The following MGAT4C variants were observed in gnomAD, a reference collection of about 807,000 sequenced individuals.
MGAT4C encodes alpha-1,3-mannosyl-glycoprotein 4-beta-N-acetylglucosaminyltransferase C.
Under a neutral mutation model 40.1 loss-of-function variants are expected in MGAT4C, and 19 were observed. The ratio of observed to expected loss-of-function variants is 0.47; its 90% CI spans 0.33 to 0.70. The LOEUF (loss-of-function observed/expected upper bound fraction) is 0.70, where lower values mean the gene tolerates loss of function less well. MGAT4C is among the 30% of genes least tolerant of loss of function. The pLI, the probability that MGAT4C is intolerant of heterozygous loss-of-function variation, is 0.02. For missense variants in MGAT4C, 491 were observed against 563.2 expected (o/e 0.87, Z 1.30); for synonymous variants, 181 against 187.1 (o/e 0.97, Z 0.27).
chr12:86,410,309 G>A (rs935817379), intron 3 of MGAT4C, among the ~76,000 whole-genome samples: 14 of 152,162 alleles, frequency 9.2e-5, no homozygotes, highest in Middle Eastern at 3.4e-3. Context: ...TATCTCAACC[G>A]CATAAGACAG....
At chr12:86,348,063 ACTT>A (rs879792628) in intron 3 of MGAT4C, among the ~76,000 whole-genome samples, 2 of 152,172 alleles carry the variant, frequency 1.3e-5, no homozygotes, top group African/African-American at 2.4e-5. Context: ...TGTAAATTAT[ACTT>A]CTTCAAATTT....
chr12:86,493,001 C>T (rs1958168523), intron 2 of MGAT4C, among the ~76,000 whole-genome samples: 3 of 151,606 alleles, frequency 2.0e-5, no homozygotes, highest in South Asian at 2.1e-4. Flanking sequence ...TGAACAGACA[C>T]TTCTCAAAAG....
At chr12:86,192,013 A>C (rs1221649787) in intron 1 of MGAT4C, among the ~76,000 whole-genome samples, 1 of 144,876 alleles carries the variant, frequency 6.9e-6, no homozygotes, top group Non-Finnish European at 1.5e-5. Flanking sequence ...CAAACACCGC[A>C]TGTTCTCACT....
chr12:86,612,355 C>T (rs1161938035), intron 2 of MGAT4C, among the ~76,000 whole-genome samples: 1 of 152,146 alleles, frequency 6.6e-6, no homozygotes, highest in Non-Finnish European at 1.5e-5. Flanking sequence ...CTCTGTTCTT[C>T]ATCTTCCATA....
chr12:86,777,866 A>G (rs971205392), intron 1 of MGAT4C, among the ~76,000 whole-genome samples: 2 of 152,192 alleles, frequency 1.3e-5, no homozygotes, highest in African/African-American at 4.8e-5. Flanking sequence ...AGGGATGTCC[A>G]TCTCCTATAT....
chr12:86,105,094 T>G (rs1291266734), intron 1 of MGAT4C, among the ~76,000 whole-genome samples: 7 of 152,182 alleles, frequency 4.6e-5, no homozygotes, highest in Non-Finnish European at 1.0e-4. Flanking sequence ...TAAAATGTGA[T>G]ATTCTAAATC....
At chr12:86,794,437 ATTTC>A (rs1473906379) in intron 1 of MGAT4C, among the ~76,000 whole-genome samples, 10 of 151,790 alleles carry the variant, frequency 6.6e-5, no homozygotes, top group Non-Finnish European at 1.3e-4. Context: ...TCCACAACAG[ATTTC>A]ATGCTTCAGT....
rs1434796211 is a variant in MGAT4C at position 85,969,652 on chromosome 12, TATC to T, written c.*9634_*9636del. 6.6e-6 allele frequency: 1 copy of T among 151,620 alleles called. No individual in the cohort carries two copies. Among genetic ancestry groups the T allele is most frequent in the Non-Finnish European group, 1.5e-5 (1 of 67,614 alleles). 9.4% of individuals were successfully genotyped at this position (151,620 alleles called of 1,614,324 possible). A position where few individuals can be genotyped will look rare whatever the true frequency, so the allele number is the denominator to read the frequency against. On this transcript the variant is annotated 3_prime_UTR_variant, in exon 5 of 5. Transcript: ENST00000611864. ...ATTTAATGTTATTTTAATATAGTCA[TATC>T]ATCCAGAAAATCCCATCTTAGACAA...
intron 2 of MGAT4C, among the ~76,000 whole-genome samples, chr12:86,553,817 T>G (rs768902923): frequency 6.6e-6 from 1 of 152,288 alleles, no homozygotes; most frequent in Non-Finnish European, 1.5e-5. Flanking sequence ...TGTGCCATCC[T>G]TTACTACTTC....
chr12:86,167,359 G>A (rs1886304324), intron 1 of MGAT4C, among the ~76,000 whole-genome samples: 1 of 152,190 alleles, frequency 6.6e-6, no homozygotes, highest in Non-Finnish European at 1.5e-5. Context: ...CACTGATGTA[G>A]ATGGTGGTTA....
At chr12:86,733,589 T>C (rs755916637) in intron 1 of MGAT4C, among the ~76,000 whole-genome samples, 2 of 152,026 alleles carry the variant, frequency 1.3e-5, no homozygotes, top group Non-Finnish European at 2.9e-5. Flanking sequence ...CAGATGCCAA[T>C]GTGGTGGGTA....
chr12:86,090,709 G>C (rs1049749556), intron 1 of MGAT4C, among the ~76,000 whole-genome samples: 3 of 151,702 alleles, frequency 2.0e-5, no homozygotes, highest in Admixed American at 6.6e-5. Context: ...ACTCTTTCTT[G>C]AAAACCCAAA....
chr12:86,312,377 C>T (rs1482461480), intron 4 of MGAT4C, among the ~76,000 whole-genome samples: 3 of 152,208 alleles, frequency 2.0e-5, no homozygotes, highest in African/African-American at 7.2e-5. Flanking sequence ...ATAGCTATCA[C>T]TCTTTGTTGT....
chr12:86,695,678 C>A (rs1950243362), intron 2 of MGAT4C, among the ~76,000 whole-genome samples: 1 of 152,068 alleles, frequency 6.6e-6, no homozygotes, highest in East Asian at 1.9e-4. Flanking sequence ...CACAGAAAGA[C>A]AAACATCACA....
intron 2 of MGAT4C, among the ~76,000 whole-genome samples, chr12:86,500,909 A>G (rs2136333583): frequency 6.6e-6 from 1 of 152,226 alleles, no homozygotes; most frequent in South Asian, 2.1e-4. Flanking sequence ...ATCTTAGTTT[A>G]TCATGTGAAA....
intron 2 of MGAT4C, among the ~76,000 whole-genome samples, chr12:86,449,518 C>CAAAT (rs1490145125): frequency 2.0e-5 from 3 of 151,400 alleles, no homozygotes; most frequent in African/African-American, 7.3e-5. Context: ...TTTATCAAAT[C>CAAAT]AAATTATAGA....
chr12:86,490,173 G>A (rs1027086182), intron 2 of MGAT4C, among the ~76,000 whole-genome samples: 1 of 152,136 alleles, frequency 6.6e-6, no homozygotes, highest in East Asian at 1.9e-4. Context: ...CAGCCAGAGA[G>A]AAAGGTCGGG....
intron 2 of MGAT4C, among the ~76,000 whole-genome samples, chr12:86,650,275 G>A (rs1963658972): frequency 6.6e-6 from 1 of 151,982 alleles, no homozygotes; most frequent in East Asian, 1.9e-4. Context: ...TAAGCTTAGA[G>A]TTCTACCAAG....
intron 1 of MGAT4C, among the ~76,000 whole-genome samples, chr12:86,051,862 A>T (rs1231388911): frequency 6.6e-6 from 1 of 151,512 alleles, no homozygotes; most frequent in East Asian, 1.9e-4. Flanking sequence ...TATTGTTAAA[A>T]TGGTTAGTTT....
Sources: allele counts gnomAD v4.1 joint callset (sites outside exome capture counted in the v4.1 genomes callset), GRCh38; gene constraint gnomAD v4.1.1; transcripts MANE v1.5; gene names NCBI Gene and HGNC (gene_info 2026-07-23, HGNC 2026-07-21).